Variants in BMPER observed in about 807,000 individuals in gnomAD.
BMPER encodes the protein BMP binding endothelial regulator.
In BMPER, 45 loss-of-function variants were observed where a neutral mutation model predicts 87.3. The ratio of observed to expected loss-of-function variants is 0.52; its 90% CI spans 0.41 to 0.66. The LOEUF is 0.66. BMPER is among the 30% of genes least tolerant of loss of function. The pLI is 0.00. For missense variants in BMPER, 784 were observed against 867.5 expected (o/e 0.90, Z 1.21); for synonymous variants, 326 against 316.2 (o/e 1.03, Z -0.33).
intron 4 of BMPER, 71 bp downstream of exon 4, chr7:33,966,632 A>G: frequency 6.9e-7 from 1 of 1,456,844 alleles, no homozygotes; most frequent in Admixed American, 1.7e-5. Context: ...CCCTTCACAC[A>G]ACATAGAACA....
intron 6 of BMPER, among the ~76,000 whole-genome samples, chr7:33,977,087 G>A (rs1185096289): frequency 6.6e-6 from 1 of 152,158 alleles, no homozygotes; most frequent in African/African-American, 2.4e-5. Flanking sequence ...TAGAATAAAT[G>A]GGAGAAACAA....
chr7:34,039,737 T>C (rs560297196), intron 6 of BMPER, among the ~76,000 whole-genome samples: 1 of 152,234 alleles, frequency 6.6e-6, no homozygotes, highest in South Asian at 2.1e-4. Flanking sequence ...TGTGTATATC[T>C]ATATAAACAC....
intron 6 of BMPER, among the ~76,000 whole-genome samples, chr7:34,009,577 A>C (rs1786825013): frequency 6.6e-6 from 1 of 151,992 alleles, no homozygotes; most frequent in African/African-American, 2.4e-5. Context: ...CTAATGCTTA[A>C]TATGAAAAAT....
intron 13 of BMPER, among the ~76,000 whole-genome samples, chr7:34,095,927 C>G (rs1395190615): frequency 1.4e-5 from 2 of 147,388 alleles, no homozygotes; most frequent in African/African-American, 4.9e-5. Context: ...TCTGAATTTC[C>G]TTTTTTTTTT....
At chr7:34,134,456 G>A (rs1033771611) in intron 13 of BMPER, among the ~76,000 whole-genome samples, 1 of 152,128 alleles carries the variant, frequency 6.6e-6, no homozygotes, top group Non-Finnish European at 1.5e-5. Context: ...GCTCTGCTAG[G>A]ATGGGGCCCA....
At chr7:34,034,545 T>G (rs1390643258) in intron 6 of BMPER, among the ~76,000 whole-genome samples, 1 of 152,198 alleles carries the variant, frequency 6.6e-6, no homozygotes, top group Non-Finnish European at 1.5e-5. Flanking sequence ...ACATTTCAGC[T>G]AGTGTCCTGG....
At chr7:34,119,325 AT>A (rs999781673) in intron 13 of BMPER, among the ~76,000 whole-genome samples, 3 of 151,820 alleles carry the variant, frequency 2.0e-5, no homozygotes, top group Non-Finnish European at 2.9e-5. Context: ...AAACACCAAC[AT>A]TTTTTTTACA....
intron 6 of BMPER, among the ~76,000 whole-genome samples, chr7:34,010,166 CTTCTATTCCTT>C (rs912907599): frequency 6.6e-6 from 1 of 151,890 alleles, no homozygotes; most frequent in Admixed American, 6.6e-5. Context: ...AAGTCATTTT[CTTCTATTCCTT>C]TTCTATTCCT....
In BMPER at chr7:33,985,622, A is replaced by T. The variant is rs534206164; in HGVS notation, c.576+10838A>T. ...ACTCCAATAATCAGTATATAGGTGT[A>T]TACTACATATTTCCTGCACCATAAC... On this transcript the variant is annotated intron_variant, in intron 6 of 14. Transcript: ENST00000649409. 9.2e-4 allele frequency among the ~76,000 whole-genome samples: 140 copies of T among 152,246 alleles called. 1 individual carries two copies. The highest frequency in any genetic ancestry group is 3.3e-3 in the African/African-American group (136 of 41,538).
chr7:33,910,936 A>C (rs568271570), intron 2 of BMPER, among the ~76,000 whole-genome samples: 2 of 152,230 alleles, frequency 1.3e-5, no homozygotes, highest in Non-Finnish European at 2.9e-5. Flanking sequence ...AGTGTTAGGC[A>C]CATGTTTGAG....
intron 2 of BMPER, among the ~76,000 whole-genome samples, chr7:33,912,362 G>A (rs1003321833): frequency 2.1e-4 from 32 of 152,232 alleles, no homozygotes; most frequent in Non-Finnish European, 3.5e-4. Context: ...CCAGAACTGA[G>A]TATGTTTTTG....
intron 13 of BMPER, among the ~76,000 whole-genome samples, chr7:34,112,495 AG>A (rs61028288): frequency 0.036 from 362 of 10,174 alleles, 22 homozygotes; most frequent in East Asian, 0.28. Context: ...ACTCCGTCTC[AG>A]AAAAAAAAAA....
chr7:34,106,065 T>C (rs1319389215), intron 13 of BMPER, among the ~76,000 whole-genome samples: 1 of 152,186 alleles, frequency 6.6e-6, no homozygotes, highest in African/African-American at 2.4e-5. Context: ...GTCTCAGTCC[T>C]GAGTGGGAGT....
chr7:34,029,628 T>C (rs185399703), intron 6 of BMPER, among the ~76,000 whole-genome samples: 2 of 152,234 alleles, frequency 1.3e-5, no homozygotes, highest in East Asian at 3.9e-4. Context: ...TCTTTGGATC[T>C]TTATTTCTGC....
chr7:34,127,610 C>T (rs1371169971), intron 13 of BMPER, among the ~76,000 whole-genome samples: 2 of 152,176 alleles, frequency 1.3e-5, no homozygotes, highest in Admixed American at 6.5e-5. Context: ...CTCTCCTCCG[C>T]TCCACCCCGC....
intron 2 of BMPER, among the ~76,000 whole-genome samples, chr7:33,925,829 G>A (rs1212011490): frequency 2.0e-5 from 3 of 152,194 alleles, no homozygotes; most frequent in Non-Finnish European, 4.4e-5. Flanking sequence ...AACGCTGACA[G>A]ATGTAGGTCA....
chr7:34,090,500 C>A (rs1789350575), intron 13 of BMPER, among the ~76,000 whole-genome samples: 1 of 152,166 alleles, frequency 6.6e-6, no homozygotes, highest in Non-Finnish European at 1.5e-5. Context: ...TCCTTAGCAG[C>A]CAGTATCAAA....
chr7:34,094,852 T>G (rs1049802443), intron 13 of BMPER, among the ~76,000 whole-genome samples: 1 of 152,168 alleles, frequency 6.6e-6, no homozygotes, highest in Non-Finnish European at 1.5e-5. Context: ...ATTAATATAA[T>G]TTTATTATAG....
rs61259698 is a variant in BMPER, at chr7:33,923,828, A to G, written c.220-13461A>G. On this transcript the variant is annotated intron_variant, in intron 2 of 14. Transcript: ENST00000649409. ...ATTGGTTTATTTTTCTTTTTGGTGG[A>G]TCTTCCTTATCTTTTCAAACTTTAA... Among the ~76,000 whole-genome samples, 1,001 of 152,148 alleles carry G rather than the reference A, an allele frequency of 6.6e-3. 13 individuals are homozygous for G. Among genetic ancestry groups the G allele is most frequent in the African/African-American group, 0.023 (956 of 41,500 alleles).
Sources: gnomAD v4.1 joint callset for allele counts (sites outside exome capture counted in the v4.1 genomes callset) on GRCh38, gnomAD v4.1.1 for gene constraint, MANE v1.5 for transcripts, NCBI Gene and HGNC (gene_info 2026-07-23, HGNC 2026-07-21) for gene names.